PXN: variants seen among roughly 807,000 people sequenced by gnomAD.
PXN encodes the protein testicular tissue protein Li 134.
In PXN, 61 loss-of-function variants were observed where a neutral mutation model predicts 103.6. The observed-to-expected ratio is 0.59, with a 90% CI of 0.48 to 0.73. The LOEUF (loss-of-function observed/expected upper bound fraction) is 0.73. Ranked by LOEUF, PXN falls within the 30% of genes least tolerant of loss-of-function variation. The probability of loss-of-function intolerance (pLI) is 0.00; values close to 1 mark genes in which losing one functional copy is unlikely to be tolerated. For missense variants in PXN, 1,274 were observed against 1,460.3 expected, an observed-to-expected ratio of 0.87 and a Z score of 2.08; for synonymous variants, 562 against 607.8, an observed-to-expected ratio of 0.92 and a Z score of 1.11.
chr12:120,226,171 G>A (rs1886820360), intron 1 of PXN: 3 of 1,206,156 alleles, frequency 2.5e-6, no homozygotes, highest in Admixed American at 3.1e-5. Context: ...TTGGCTTCAC[G>A]CAGTGTCCTC....
rs577042317 is a variant in PXN, at chr12:120,212,118, G to T, written c.*196C>A. The stretch of plus-strand genomic sequence containing the variant: ...TAGGGAGAGCTACAGGAGGGAGGAG[G>T]GGGCCCAGAGGCTCTGGCAGGGGTG... On this transcript the variant is annotated 3_prime_UTR_variant, in exon 15 of 15. Coordinates refer to ENST00000637617, the MANE Select transcript of PXN (RefSeq NM_001385981.1). The surrounding 1 kb of genome is among the most constrained non-coding windows in gnomAD (Gnocchi z 7.2). 8 of 833,626 alleles carry T rather than the reference G, an allele frequency of 9.6e-6. No individual in the cohort carries two copies. In the East Asian group the frequency reaches 2.0e-4, roughly 21 times the overall value. 51.6% of individuals were successfully genotyped at this position (833,626 alleles called of 1,614,324 possible). A position where few individuals can be genotyped will look rare whatever the true frequency, so the allele number is the denominator to read the frequency against.
Position 120,223,821 on chromosome 12 carries a change from A to C in PXN, c.253T>G (p.Ser85Ala). The C allele has an allele frequency of 6.2e-7, 1 of 1,603,192 alleles. No individual in the cohort carries two copies. The highest frequency in any genetic ancestry group is 8.5e-7 in the Non-Finnish European group (1 of 1,173,906). Residue 85 changes from serine to alanine, a missense_variant, in exon 3 of 15, where the codon TCA becomes GCA. Physicochemically the swap from Ser to Ala is moderately conservative, Grantham distance 99. This residue lies in a region of PXN where 1,178 missense variants were observed against 1,309.0 expected (regional missense o/e 0.90). Coordinates refer to ENST00000637617, the MANE Select transcript of PXN (RefSeq NM_001385981.1). ...RFIHQQPQSS[S>A]PVYGSSAKTS... ...TTGGCACTGGAGCCGTACACAGGTG[A>C]TGAGGACTGAGGCTGCGAGAAGGAG...
chr12:120,214,257 C>T lies in PXN; in HGVS notation c.2749-40G>A. 2.0e-6 allele frequency: 3 copies of T among 1,522,312 alleles called. No homozygotes were observed. Among genetic ancestry groups the T allele is most frequent in the Non-Finnish European group, 2.7e-6 (3 of 1,121,124 alleles). 94.3% of individuals were successfully genotyped at this position (1,522,312 alleles called of 1,614,324 possible). ...TGTGGGATCAAGGCTGAGCTCTGGGCAGATCTCACAACTGAGACGCCCAGC... is the reference window on the plus strand; with the variant it reads ...TGTGGGATCAAGGCTGAGCTCTGGGTAGATCTCACAACTGAGACGCCCAGC... On this transcript the variant is annotated intron_variant, in intron 12 of 14. Transcript: ENST00000637617. The surrounding 1 kb of genome is among the most constrained non-coding windows in gnomAD (Gnocchi z 5.0).
rs1397168830 is a variant in PXN at position 120,216,974 on chromosome 12, C to T, written c.1859G>A (p.Arg620Gln). 1.9e-5 allele frequency: 30 copies of T among 1,544,466 alleles called. No homozygotes were observed. Among genetic ancestry groups the T allele is most frequent in the Admixed American group, 3.8e-5 (2 of 52,034 alleles). The change falls in exon 8 of 15, where the codon CGG (arginine) becomes CAG (glutamine). Residue 620 changes from arginine (R) to glutamine (Q), a missense_variant. Physicochemically the swap from Arg to Gln is conservative, Grantham distance 43. Transcript: ENST00000637617. This position sits in a 1 kb window ranked among gnomAD's most constrained non-coding sequence, Gnocchi z 5.1. ...QEQLIAELQG[R>Q]LGIQPEAEEP... ...CTCTGCCTCAGGCTGGATGCCCAGC[C>T]GCCCCTGCAGCTCCGCGATGAGCTG...
chr12:120,264,860 G>C (rs1026973543), intron 1 of PXN, among the ~76,000 whole-genome samples: 1 of 152,020 alleles, frequency 6.6e-6, no homozygotes, highest in Non-Finnish European at 1.5e-5. Context: ...CATGGTAGAC[G>C]GACTGGTCTG....
chr12:120,247,210 G>A (rs2136580116), intron 1 of PXN, among the ~76,000 whole-genome samples: 1 of 152,240 alleles, frequency 6.6e-6, no homozygotes, highest in East Asian at 1.9e-4. Context: ...TAGAAATGCA[G>A]TATTTAATAC....
At chr12:120,256,840 C>T (rs372197829) in intron 1 of PXN, among the ~76,000 whole-genome samples, 3 of 152,158 alleles carry the variant, frequency 2.0e-5, no homozygotes, top group African/African-American at 7.2e-5. Context: ...GCCTCAGCCT[C>T]CCGAGTAGCT....
In PXN at chr12:120,212,340, T is replaced by C. The variant is rs942400610; in HGVS notation, c.3220A>G (p.Asn1074Asp). 1 of 1,613,724 alleles carries C rather than the reference T, an allele frequency of 6.2e-7. No individual in the cohort carries two copies. The highest frequency in any genetic ancestry group is 1.7e-5 in the Admixed American group (1 of 59,980). The change falls in exon 15 of 15, where the codon AAC (asparagine) becomes GAC (aspartate). Residue 1074 changes from asparagine to aspartate, a missense_variant. By Grantham distance (23) the Asn-to-Asp change is conservative. Transcript: ENST00000637617. The surrounding 1 kb of genome is among the most constrained non-coding windows in gnomAD (Gnocchi z 7.2). ...KEQNDKPYCQ[N>D]CFLKLFC ...TAGCAGAAGAGCTTGAGGAAGCAGT[T>C]CTGACAGTAAGGCTTGTCGTTCTGC... is the stretch of plus-strand genomic sequence containing the variant.
chr12:120,218,008 G>A (rs942423218), intron 7 of PXN, among the ~76,000 whole-genome samples: 1 of 141,100 alleles, frequency 7.1e-6, no homozygotes, highest in Non-Finnish European at 1.5e-5. Flanking sequence ...TGGTTGTTTC[G>A]TTTTGTTTTC....
rs956291988 is a variant in PXN, at chr12:120,213,248, C to G, written c.2979+594G>C. 6.5e-6 allele frequency: 1 copy of G among 152,990 alleles called. No individual in the cohort carries two copies. Among genetic ancestry groups the G allele is most frequent in the Non-Finnish European group, 1.5e-5 (1 of 68,648 alleles). 9.5% of individuals were successfully genotyped at this position (152,990 alleles called of 1,614,324 possible). A position where few individuals can be genotyped will look rare whatever the true frequency, so the allele number is the denominator to read the frequency against. On this transcript the variant is annotated intron_variant, in intron 14 of 14. Transcript: ENST00000637617. The surrounding 1 kb of genome is among the most constrained non-coding windows in gnomAD (Gnocchi z 4.2). ...ACAAAAAATTAGCCAGGCATGGGGG[C>G]GTGTGCCTGTAATCTCAGCTACTTG...
intron 1 of PXN, among the ~76,000 whole-genome samples, chr12:120,257,418 C>T (rs1893189980): frequency 6.6e-6 from 1 of 152,212 alleles, no homozygotes; most frequent in African/African-American, 2.4e-5. Flanking sequence ...TAGAAGACCT[C>T]ATAGTCCTCG....
intron 1 of PXN, among the ~76,000 whole-genome samples, chr12:120,241,833 C>T (rs1594476180): frequency 1.3e-5 from 2 of 152,204 alleles, no homozygotes; most frequent in East Asian, 3.9e-4. Context: ...AGCGGAACAG[C>T]AGGACCAGGC....
Position 120,222,793 on chromosome 12 carries a change from T to C in PXN, c.494-43A>G. On this transcript the variant is annotated intron_variant, in intron 4 of 14. Transcript: ENST00000637617. This position sits in a 1 kb window ranked among gnomAD's most constrained non-coding sequence, Gnocchi z 4.7. The stretch of plus-strand genomic sequence containing the variant: ...AAAAGGCTGCTCAGCCCTTGAGCCC[T>C]CCTGGGATCTAGAGGTCAGCAGATG... 1 of 1,601,218 alleles carries C rather than the reference T, an allele frequency of 6.2e-7. No homozygotes were observed. The highest frequency in any genetic ancestry group is 8.5e-7 in the Non-Finnish European group (1 of 1,173,398).
chr12:120,236,556 C>T (rs1260377723), intron 1 of PXN, among the ~76,000 whole-genome samples: 3 of 150,892 alleles, frequency 2.0e-5, no homozygotes, highest in African/African-American at 7.3e-5. Context: ...CAGCTCACTG[C>T]AACCTCTGCC....
intron 1 of PXN, among the ~76,000 whole-genome samples, chr12:120,240,938 A>C (rs1274616457): frequency 6.6e-6 from 1 of 152,296 alleles, no homozygotes; most frequent in East Asian, 1.9e-4. Context: ...CCCTGGAGCA[A>C]AAGTATTCCA....
intron 1 of PXN, among the ~76,000 whole-genome samples, chr12:120,234,654 G>A (rs1566411669): frequency 6.6e-6 from 1 of 152,128 alleles, no homozygotes; most frequent in Non-Finnish European, 1.5e-5. Context: ...CAGTGAGGAG[G>A]ATGGGTTCAA....
Position 120,212,586 on chromosome 12 carries a change from A to G in PXN, c.2980-6T>C. 6.2e-7 allele frequency: 1 copy of G among 1,608,644 alleles called. No homozygotes were observed. The highest frequency in any genetic ancestry group is 2.2e-5 in the East Asian group (1 of 44,766). ...ACGAATGGCGTGAAGCATTCCTGCC[A>G]GGCGGAGAGAGGGGCTCAGGGAGCT... On this transcript the variant is annotated splice_region_variant and splice_polypyrimidine_tract_variant and intron_variant, in intron 14 of 14. Transcript: ENST00000637617. The surrounding 1 kb of genome is among the most constrained non-coding windows in gnomAD (Gnocchi z 7.2).
At position 120,224,807 on chromosome 12, in the gene PXN, T is replaced by C; in HGVS notation, c.14-430A>G. On this transcript the variant is annotated intron_variant, in intron 1 of 14. Transcript: ENST00000637617. This position sits in a 1 kb window ranked among gnomAD's most constrained non-coding sequence, Gnocchi z 5.0. ...GCCCTGGCTATGCCAGGCCCTCACT[T>C]GATTTCTAAGAGCTTAGGCTTTCCC... 2.2e-6 allele frequency: 1 copy of C among 453,450 alleles called. No homozygotes were observed. Among genetic ancestry groups the C allele is most frequent in the South Asian group, 1.6e-5 (1 of 64,326 alleles). 28.1% of individuals were successfully genotyped at this position (453,450 alleles called of 1,614,324 possible). A position where few individuals can be genotyped will look rare whatever the true frequency, so the allele number is the denominator to read the frequency against.
At chr12:120,249,968 A>G in intron 1 of PXN, 2 of 985,500 alleles carry the variant, frequency 2.0e-6, no homozygotes, top group Non-Finnish European at 2.4e-6. Context: ...CTTCCAAGAC[A>G]GGCAGCATGT....
Sources: allele counts gnomAD v4.1 joint callset (sites outside exome capture counted in the v4.1 genomes callset), GRCh38; gene constraint gnomAD v4.1.1; regional missense constraint gnomAD v4.1.1; non-coding constraint Gnocchi (gnomAD v3.1); transcripts MANE v1.5; gene names NCBI Gene and HGNC (gene_info 2026-07-23, HGNC 2026-07-21).